CLIC4: variants seen among roughly 807,000 people sequenced by gnomAD.
The protein encoded by CLIC4 is chloride intracellular channel protein 4.
In CLIC4, 13 loss-of-function variants were observed where a neutral mutation model predicts 24.6. The ratio of observed to expected loss-of-function variants is 0.53; its 90% CI spans 0.34 to 0.84. CLIC4 has a LOEUF of 0.84. Ranked by LOEUF, CLIC4 falls within the 40% of genes least tolerant of loss-of-function variation. CLIC4 has a pLI of 0.01. For missense variants in CLIC4, 227 were observed against 301.7 expected, an observed-to-expected ratio of 0.75 and a Z score of 1.83; for synonymous variants, 104 against 111.3, an observed-to-expected ratio of 0.93 and a Z score of 0.41.
chr1:24,825,796 T>C (rs1639781679), intron 3 of CLIC4, among the ~76,000 whole-genome samples: 1 of 152,226 alleles, frequency 6.6e-6, no homozygotes, highest in Non-Finnish European at 1.5e-5. Context: ...GCAACTGAAC[T>C]GAATTTTGAA....
intron 2 of CLIC4, among the ~76,000 whole-genome samples, chr1:24,811,399 G>A (rs550596615): frequency 6.6e-6 from 1 of 152,256 alleles, no homozygotes; most frequent in South Asian, 2.1e-4. Flanking sequence ...CTGACCTAAT[G>A]GATCACCTGG....
At chr1:24,805,109 A>G (rs1639536320) in intron 2 of CLIC4, among the ~76,000 whole-genome samples, 1 of 107,480 alleles carries the variant, frequency 9.3e-6, no homozygotes, top group Non-Finnish European at 2.2e-5. Context: ...AAAAAAACAC[A>G]AAAACAAAGA....
chr1:24,793,868 A>T (rs935107604), intron 1 of CLIC4, among the ~76,000 whole-genome samples: 3 of 152,070 alleles, frequency 2.0e-5, no homozygotes, highest in African/African-American at 7.2e-5. Flanking sequence ...CTGATGTGGC[A>T]TTTTACTGAA....
intron 1 of CLIC4, among the ~76,000 whole-genome samples, chr1:24,778,723 G>A (rs1639171069): frequency 6.6e-6 from 1 of 152,106 alleles, no homozygotes; most frequent in Non-Finnish European, 1.5e-5. Context: ...CTCCTTTTAG[G>A]CTTTTGATAA....
intron 1 of CLIC4, among the ~76,000 whole-genome samples, chr1:24,756,554 A>T (rs902801580): frequency 1.3e-5 from 2 of 152,194 alleles, no homozygotes; most frequent in Non-Finnish European, 2.9e-5. Flanking sequence ...TTTAGTTCTC[A>T]TTATAATATA....
At chr1:24,775,224 C>CTTTTTTTTTTTTTTTTTTTTTT in intron 1 of CLIC4, among the ~76,000 whole-genome samples, 55 of 90,664 alleles carry the variant, frequency 6.1e-4, no homozygotes, top group East Asian at 1.0e-3. Context: ...TTCTTTCTTT[C>CTTTTTTTTTTTTTTTTTTTTTT]TTTTTTTTTT....
At chr1:24,780,882 G>A (rs550487233) in intron 1 of CLIC4, among the ~76,000 whole-genome samples, 2 of 151,968 alleles carry the variant, frequency 1.3e-5, no homozygotes, top group Admixed American at 6.6e-5. Flanking sequence ...GAGGTCAAGA[G>A]TTTGAGAACA....
At chr1:24,769,747 C>T (rs1639049456) in intron 1 of CLIC4, among the ~76,000 whole-genome samples, 1 of 152,134 alleles carries the variant, frequency 6.6e-6, no homozygotes, top group Non-Finnish European at 1.5e-5. Flanking sequence ...ATTTGAAAGG[C>T]AACTAAAATT....
intron 2 of CLIC4, among the ~76,000 whole-genome samples, chr1:24,799,253 G>T (rs1333053440): frequency 2.6e-5 from 4 of 151,204 alleles, no homozygotes; most frequent in Non-Finnish European, 4.4e-5. Context: ...GAGCGTCTCT[G>T]CCCGGCCGCC....
intron 1 of CLIC4, among the ~76,000 whole-genome samples, chr1:24,753,702 A>G (rs1384374779): frequency 6.6e-6 from 1 of 152,196 alleles, no homozygotes. Flanking sequence ...TTGTTAATGT[A>G]TACATTTTCC....
Position 24,816,234 on chromosome 1 carries a change from G to GTTTTT in CLIC4, c.308+2033_308+2037dup, listed in dbSNP as rs71752506. On this transcript the variant is annotated intron_variant, in intron 3 of 5. Coordinates refer to ENST00000374379, the MANE Select transcript of CLIC4 (RefSeq NM_013943.3). Reference sequence around the variant, plus strand: ...CCTCCCATGAATCATGAATGTTCGTGTTTTTTTTTTTTTTTTTTTTTTGGA... The same window carrying GTTTTT: ...CCTCCCATGAATCATGAATGTTCGTGTTTTTTTTTTTTTTTTTTTTTTTTTTTGGA... 6.1e-4 allele frequency among the ~76,000 whole-genome samples: 38 copies of GTTTTT among 62,122 alleles called. 1 individual carries two copies. The highest frequency in any genetic ancestry group is 0.014 in the Middle Eastern group (1 of 74). 40.8% of individuals were successfully genotyped at this position (62,122 alleles called of 152,430 possible).
intron 1 of CLIC4, among the ~76,000 whole-genome samples, chr1:24,775,211 CCTTT>C (rs199775279): frequency 7.3e-4 from 100 of 136,154 alleles, no homozygotes; most frequent in Non-Finnish European, 1.2e-3. Flanking sequence ...TCTTTTTCTT[CCTTT>C]CTTTCTTTCT....
intron 1 of CLIC4, among the ~76,000 whole-genome samples, chr1:24,776,892 A>T (rs1420978716): frequency 6.6e-6 from 1 of 152,182 alleles, no homozygotes; most frequent in African/African-American, 2.4e-5. Context: ...AGCCTGGGCG[A>T]CAAGAGCAAA....
intron 1 of CLIC4, among the ~76,000 whole-genome samples, chr1:24,775,224 C>CTTTTTTTTTTTTTTTTTTTTTCTTTT: frequency 1.1e-5 from 1 of 90,664 alleles, no homozygotes; most frequent in Non-Finnish European, 2.1e-5. Flanking sequence ...TTCTTTCTTT[C>CTTTTTTTTTTTTTTTTTTTTTCTTTT]TTTTTTTTTT....
intron 1 of CLIC4, among the ~76,000 whole-genome samples, chr1:24,793,773 A>G (rs1282935326): frequency 2.0e-5 from 3 of 152,012 alleles, no homozygotes; most frequent in African/African-American, 7.2e-5. Flanking sequence ...GGGTTCTAGA[A>G]TCTTCACTAT....
chr1:24,793,704 C>G (rs949239017), intron 1 of CLIC4, among the ~76,000 whole-genome samples: 1 of 151,372 alleles, frequency 6.6e-6, no homozygotes, highest in Non-Finnish European at 1.5e-5. Context: ...AAAGAATGAT[C>G]GGATTTTTTT....
intron 3 of CLIC4, among the ~76,000 whole-genome samples, chr1:24,816,005 G>A (rs1453727865): frequency 6.6e-6 from 1 of 152,128 alleles, no homozygotes; most frequent in Non-Finnish European, 1.5e-5. Context: ...ATCATAAGAA[G>A]CAACTCCTCA....
chr1:24,761,538 G>C (rs1271310214), intron 1 of CLIC4, among the ~76,000 whole-genome samples: 1 of 152,200 alleles, frequency 6.6e-6, no homozygotes, highest in African/African-American at 2.4e-5. Context: ...GAGCAGTAGA[G>C]TGAGGGATTG....
chr1:24,777,103 G>T (rs1038415721), intron 1 of CLIC4, among the ~76,000 whole-genome samples: 1 of 152,076 alleles, frequency 6.6e-6, no homozygotes, highest in Non-Finnish European at 1.5e-5. Flanking sequence ...TGTGTGGATG[G>T]GTGCATGCGT....
Sources: allele counts gnomAD v4.1 joint callset (sites outside exome capture counted in the v4.1 genomes callset), GRCh38; gene constraint gnomAD v4.1.1; transcripts MANE v1.5; gene names NCBI Gene and HGNC (gene_info 2026-07-23, HGNC 2026-07-21).